Variants in TBC1D22A observed in about 807,000 individuals in gnomAD.
TBC1D22A encodes putative GTPase activator.
A neutral mutation model predicts 60.2 loss-of-function variants in TBC1D22A; 38 were observed. That is an observed-to-expected ratio of 0.63 (90% CI 0.49 to 0.83). TBC1D22A has a LOEUF of 0.83. TBC1D22A is among the 40% of genes least tolerant of loss of function. TBC1D22A has a pLI of 0.00. For missense variants in TBC1D22A, 628 were observed against 701.0 expected (o/e 0.90, Z 1.18); for synonymous variants, 302 against 281.7 (o/e 1.07, Z -0.72).
chr22:46,769,270 G>C (rs9627560), intron 1 of TBC1D22A, among the ~76,000 whole-genome samples: 85 of 152,316 alleles, frequency 5.6e-4, no homozygotes, highest in African/African-American at 2.0e-3. Flanking sequence ...GAGCAAATCA[G>C]ACGGTCGGCT....
intron 8 of TBC1D22A, among the ~76,000 whole-genome samples, chr22:46,970,408 C>G (rs1381414088): frequency 1.3e-5 from 2 of 152,328 alleles, no homozygotes; most frequent in South Asian, 2.1e-4. Flanking sequence ...GTTTTCCTTT[C>G]TCATTTGTGA....
chr22:47,111,943 C>T (rs1180356788), intron 12 of TBC1D22A, among the ~76,000 whole-genome samples: 3 of 152,230 alleles, frequency 2.0e-5, no homozygotes, highest in African/African-American at 4.8e-5. Flanking sequence ...ACCCTCTTTA[C>T]AGCACGTGGA....
chr22:46,868,963 G>A (rs939912042), intron 4 of TBC1D22A, among the ~76,000 whole-genome samples: 8 of 152,158 alleles, frequency 5.3e-5, no homozygotes, highest in Non-Finnish European at 1.2e-4. Context: ...CCTGTGTTCT[G>A]CTCCAACACA....
rs1339717338 is a variant in TBC1D22A at position 46,793,642 on chromosome 22, G to C, written c.261G>C (p.Glu87Asp). 1 of 1,613,594 alleles carries C rather than the reference G, an allele frequency of 6.2e-7. No individual in the cohort carries two copies. The highest frequency in any genetic ancestry group is 1.3e-5 in the African/African-American group (1 of 74,946). ...DDDELLAMAA[E>D]SLNSEVVMET... The stretch of plus-strand genomic sequence containing the variant: ...ATGAGCTCCTGGCCATGGCGGCGGA[G>C]AGCCTGAACTCCGAGGTGGTCATGG... The change falls in exon 3 of 13, where the codon GAG (glutamate) becomes GAC (aspartate). Residue 87 changes from glutamate (E) to aspartate (D), a missense_variant. Coordinates refer to ENST00000337137, the MANE Select transcript of TBC1D22A (RefSeq NM_014346.5).
At chr22:46,858,931 A>T (rs2087719037) in intron 4 of TBC1D22A, among the ~76,000 whole-genome samples, 1 of 152,266 alleles carries the variant, frequency 6.6e-6, no homozygotes, top group Non-Finnish European at 1.5e-5. Context: ...GAGAAAAAAA[A>T]GTCCCACATG....
At chr22:46,809,499 C>T (rs2085293846) in intron 4 of TBC1D22A, among the ~76,000 whole-genome samples, 1 of 152,178 alleles carries the variant, frequency 6.6e-6, no homozygotes, top group Non-Finnish European at 1.5e-5. Context: ...TTCAACTCAT[C>T]TTTTAACCCA....
intron 11 of TBC1D22A, among the ~76,000 whole-genome samples, chr22:47,094,353 G>T (rs905836238): frequency 1.3e-5 from 2 of 152,216 alleles, no homozygotes; most frequent in Non-Finnish European, 2.9e-5. Context: ...TGCATAAAGC[G>T]AAGGGTGACC....
chr22:47,096,614 G>A (rs911947829), intron 11 of TBC1D22A, among the ~76,000 whole-genome samples: 35 of 152,164 alleles, frequency 2.3e-4, no homozygotes, highest in Admixed American at 2.6e-4. Context: ...TTGAGGCCAG[G>A]AGTTTGAGAC....
intron 9 of TBC1D22A, among the ~76,000 whole-genome samples, chr22:46,986,827 G>A (rs909697227): frequency 3.3e-5 from 5 of 152,134 alleles, no homozygotes; most frequent in African/African-American, 1.2e-4. Context: ...TTGTGCTCTC[G>A]GGCTCTGTGG....
intron 8 of TBC1D22A, among the ~76,000 whole-genome samples, chr22:46,967,242 A>T (rs958891597): frequency 4.6e-5 from 7 of 152,180 alleles, no homozygotes; most frequent in African/African-American, 7.2e-5. Context: ...TTTTTGCTGA[A>T]CCAAAGAGTT....
At chr22:47,168,189 A>G (rs2068278269) in intron 12 of TBC1D22A, among the ~76,000 whole-genome samples, 1 of 151,968 alleles carries the variant, frequency 6.6e-6, no homozygotes, top group Non-Finnish European at 1.5e-5. Flanking sequence ...AGACCTGTTG[A>G]AGTAGTGGTG....
At chr22:46,828,857 C>T (rs1569099481) in intron 4 of TBC1D22A, among the ~76,000 whole-genome samples, 1 of 152,216 alleles carries the variant, frequency 6.6e-6, no homozygotes, top group African/African-American at 2.4e-5. Flanking sequence ...TCACGTTGAG[C>T]GCTCATTTCC....
intron 11 of TBC1D22A, among the ~76,000 whole-genome samples, chr22:47,039,325 G>A (rs1453545403): frequency 2.6e-5 from 4 of 152,058 alleles, no homozygotes; most frequent in African/African-American, 9.7e-5. Context: ...TATTTTACAG[G>A]GCCAAGTAAC....
chr22:46,909,300 A>G (rs558009981), intron 7 of TBC1D22A, among the ~76,000 whole-genome samples: 216 of 151,660 alleles, frequency 1.4e-3, no homozygotes, highest in Non-Finnish European at 2.6e-3. Context: ...ACACATACAC[A>G]CACACACACA....
intron 1 of TBC1D22A, among the ~76,000 whole-genome samples, chr22:46,766,535 T>G (rs564069801): frequency 6.6e-6 from 1 of 152,184 alleles, no homozygotes; most frequent in African/African-American, 2.4e-5. Flanking sequence ...TTCAGATAGT[T>G]CAACTCTTTT....
At chr22:46,847,219 T>A (rs1044859584) in intron 4 of TBC1D22A, among the ~76,000 whole-genome samples, 1 of 152,146 alleles carries the variant, frequency 6.6e-6, no homozygotes, top group Non-Finnish European at 1.5e-5. Flanking sequence ...ACATTTAGAT[T>A]CCCACATAGG....
intron 8 of TBC1D22A, chr22:46,915,794 T>C: frequency 2.2e-6 from 1 of 456,706 alleles, no homozygotes; most frequent in Non-Finnish European, 4.4e-6. Flanking sequence ...GCCTGCCATA[T>C]GCTCCCACTG....
intron 8 of TBC1D22A, among the ~76,000 whole-genome samples, chr22:46,972,838 G>A (rs1315409855): frequency 2.0e-5 from 3 of 152,298 alleles, no homozygotes; most frequent in African/African-American, 7.2e-5. Flanking sequence ...GAGTGACTGA[G>A]GGTCCACCCC....
intron 12 of TBC1D22A, among the ~76,000 whole-genome samples, chr22:47,133,584 T>C (rs1393635240): frequency 6.6e-6 from 1 of 152,238 alleles, no homozygotes; most frequent in Non-Finnish European, 1.5e-5. Flanking sequence ...ACTGTGGCTT[T>C]TCGACATTCG....
Sources: allele counts gnomAD v4.1 joint callset (sites outside exome capture counted in the v4.1 genomes callset), GRCh38; gene constraint gnomAD v4.1.1; transcripts MANE v1.5; gene names NCBI Gene and HGNC (gene_info 2026-07-23, HGNC 2026-07-21).